The following AOAH variants were observed in gnomAD, a reference collection of about 807,000 sequenced individuals.
AOAH encodes the protein acyloxyacyl hydrolase, also known as acyloxyacyl hydrolase (neutrophil).
Under a neutral mutation model 92.2 loss-of-function variants are expected in AOAH, and 64 were observed. The observed-to-expected ratio is 0.69, with a 90% confidence interval of 0.57 to 0.86. The LOEUF (loss-of-function observed/expected upper bound fraction) is 0.86. AOAH is among the 40% of genes least tolerant of loss of function. The pLI is 0.00. For missense variants in AOAH, 656 were observed against 694.6 expected, an observed-to-expected ratio of 0.94 and a Z score of 0.62; for synonymous variants, 263 against 254.5, an observed-to-expected ratio of 1.03 and a Z score of -0.32.
intron 3 of AOAH, among the ~76,000 whole-genome samples, chr7:36,666,053 T>C (rs1795515640): frequency 6.6e-6 from 1 of 152,174 alleles, no homozygotes; most frequent in South Asian, 2.1e-4. Context: ...AGGATGATGC[T>C]GACCTCATAG....
intron 5 of AOAH, among the ~76,000 whole-genome samples, chr7:36,637,578 G>T (rs1173310619): frequency 6.6e-6 from 1 of 152,054 alleles, no homozygotes; most frequent in Non-Finnish European, 1.5e-5. Flanking sequence ...CAGGGTTGCT[G>T]CTGAACACCC....
chr7:36,606,833 T>G (rs1791041946), intron 11 of AOAH, among the ~76,000 whole-genome samples: 1 of 152,206 alleles, frequency 6.6e-6, no homozygotes, highest in African/African-American at 2.4e-5. Flanking sequence ...TCTTTCTAAG[T>G]TGAGGTCTTT....
chr7:36,702,168 GAAGTA>G (rs146344955), intron 1 of AOAH, among the ~76,000 whole-genome samples: 48,129 of 151,470 alleles, frequency 0.32, 8,703 homozygotes, highest in East Asian at 0.54. Context: ...TTTTTATTTT[GAAGTA>G]AAGTAAGAGA....
At chr7:36,635,805 T>C (rs1395001379) in intron 5 of AOAH, among the ~76,000 whole-genome samples, 1 of 152,136 alleles carries the variant, frequency 6.6e-6, no homozygotes, top group African/African-American at 2.4e-5. Flanking sequence ...GCACATAACT[T>C]AACCTACCCG....
chr7:36,539,942 C>T (rs996852238), intron 16 of AOAH, among the ~76,000 whole-genome samples: 1 of 152,266 alleles, frequency 6.6e-6, no homozygotes, highest in Non-Finnish European at 1.5e-5. Context: ...TTCTAACAGG[C>T]CACCAGGAAG....
At chr7:36,708,414 T>C (rs1298831377) in intron 1 of AOAH, among the ~76,000 whole-genome samples, 2 of 152,188 alleles carry the variant, frequency 1.3e-5, no homozygotes, top group African/African-American at 4.8e-5. Context: ...TTTATATCTC[T>C]ATTGAAATTT....
intron 2 of AOAH, among the ~76,000 whole-genome samples, chr7:36,679,815 G>T (rs1796530455): frequency 6.6e-6 from 1 of 151,968 alleles, no homozygotes; most frequent in African/African-American, 2.4e-5. Flanking sequence ...ATGTTACCAC[G>T]CCCAGTTAAT....
At chr7:36,535,722 C>T (rs1785015176) in intron 16 of AOAH, among the ~76,000 whole-genome samples, 1 of 146,964 alleles carries the variant, frequency 6.8e-6, no homozygotes, top group Non-Finnish European at 1.5e-5. Context: ...GCTGAGTTCG[C>T]TAGCGGAGTT....
chr7:36,643,629 T>A (rs1450046937), intron 4 of AOAH, among the ~76,000 whole-genome samples: 1 of 152,238 alleles, frequency 6.6e-6, no homozygotes, highest in Admixed American at 6.5e-5. Flanking sequence ...TACAAATACT[T>A]ACTTAGTGTT....
intron 20 of AOAH, among the ~76,000 whole-genome samples, chr7:36,521,587 A>T (rs1256294387): frequency 6.6e-6 from 1 of 152,102 alleles, no homozygotes. Context: ...TTCTCCTCCT[A>T]TACAGCACCC....
chr7:36,666,650 A>G (rs958401907), intron 3 of AOAH, among the ~76,000 whole-genome samples: 2 of 152,036 alleles, frequency 1.3e-5, no homozygotes, highest in African/African-American at 4.8e-5. Context: ...TTCTTAAGGT[A>G]GAAGCTTAGA....
chr7:36,554,283 C>G (rs1050262672), intron 13 of AOAH, among the ~76,000 whole-genome samples: 4 of 152,132 alleles, frequency 2.6e-5, no homozygotes, highest in African/African-American at 9.7e-5. Flanking sequence ...TGTCAAAGAT[C>G]AGATAGTTGT....
In AOAH at chr7:36,647,766, A is replaced by C. The variant is rs191067044; in HGVS notation, c.391-9856T>G. On this transcript the variant is annotated intron_variant, in intron 4 of 20. Coordinates refer to ENST00000617537, the MANE Select transcript of AOAH (RefSeq NM_001637.4). ...TGGCAAGATCATGTGAAATGCTTGG[A>C]GAAAAGATGGAACAATAGAGCATAA... Among the ~76,000 whole-genome samples the C allele has an allele frequency of 6.6e-5, 10 of 152,270 alleles. 1 individual carries two copies. The highest frequency in any genetic ancestry group is 3.3e-4 in the Admixed American group (5 of 15,294).
At chr7:36,579,958 T>A (rs1788819052) in intron 12 of AOAH, among the ~76,000 whole-genome samples, 1 of 152,216 alleles carries the variant, frequency 6.6e-6, no homozygotes, top group African/African-American at 2.4e-5. Flanking sequence ...ATTGATTGAT[T>A]TTGGCTTTTA....
At chr7:36,577,064 A>G (rs898255752) in intron 12 of AOAH, among the ~76,000 whole-genome samples, 7 of 142,712 alleles carry the variant, frequency 4.9e-5, no homozygotes, top group African/African-American at 1.8e-4. Flanking sequence ...GCTGTGGTTG[A>G]CACTATTATT....
chr7:36,695,885 C>T (rs780765916), intron 1 of AOAH, among the ~76,000 whole-genome samples: 64 of 152,234 alleles, frequency 4.2e-4, no homozygotes, highest in Non-Finnish European at 5.9e-4. Flanking sequence ...ACGGAGATTT[C>T]CTTTTAGAAG....
intron 6 of AOAH, among the ~76,000 whole-genome samples, chr7:36,629,115 A>T (rs190415710): frequency 1.6e-4 from 24 of 152,366 alleles, no homozygotes; most frequent in Non-Finnish European, 3.2e-4. Context: ...TGAAGAATAC[A>T]TGAGACTGCA....
At chr7:36,602,123 T>G (rs1284697675) in intron 11 of AOAH, among the ~76,000 whole-genome samples, 1 of 152,138 alleles carries the variant, frequency 6.6e-6, no homozygotes, top group Non-Finnish European at 1.5e-5. Context: ...TACAAAAGCT[T>G]ATGGGGGCAG....
At chr7:36,647,566 C>T (rs185673196) in intron 4 of AOAH, among the ~76,000 whole-genome samples, 7 of 152,260 alleles carry the variant, frequency 4.6e-5, no homozygotes, top group Admixed American at 4.6e-4. Context: ...TGATTTCTTC[C>T]ACTTATCGGA....
Sources: gnomAD v4.1 joint callset for allele counts (sites outside exome capture counted in the v4.1 genomes callset) on GRCh38, gnomAD v4.1.1 for gene constraint, MANE v1.5 for transcripts, NCBI Gene and HGNC (gene_info 2026-07-23, HGNC 2026-07-21) for gene names.